The following BRINP1 variants were observed in gnomAD, a reference collection of about 807,000 sequenced individuals.
The protein encoded by BRINP1 is BMP/retinoic acid-inducible neural-specific protein 1.
Under a neutral mutation model 72.9 loss-of-function variants are expected in BRINP1, and 17 were observed. The observed-to-expected ratio is 0.23, with a 90% confidence interval of 0.16 to 0.35. BRINP1 has a LOEUF of 0.35. BRINP1 is among the 10% of genes least tolerant of loss of function. The pLI, the probability that BRINP1 is intolerant of heterozygous loss-of-function variation, is 1.00. For synonymous variants in BRINP1, 418 were observed against 378.5 expected, an observed-to-expected ratio of 1.10 and a Z score of -1.21; for missense variants, 850 against 1,001.6, an observed-to-expected ratio of 0.85 and a Z score of 2.04.
In BRINP1 at chr9:119,166,973, A is replaced by G; in HGVS notation, c.*111T>C. The stretch of plus-strand genomic sequence containing the variant: ...TGAAGATTTTCCTCCTTTTCTTTGA[A>G]TATTAATTACATTTTACAAATTTTT... On this transcript the variant is annotated 3_prime_UTR_variant, in exon 8 of 8. Coordinates refer to ENST00000265922, the MANE Select transcript of BRINP1 (RefSeq NM_014618.3). 1.7e-6 allele frequency: 2 copies of G among 1,166,320 alleles called. No homozygotes were observed. The highest frequency in any genetic ancestry group is 2.4e-6 in the Non-Finnish European group (2 of 822,418). 72.2% of individuals were successfully genotyped at this position (1,166,320 alleles called of 1,614,324 possible).
At chr9:119,217,244 A>G (rs975887716) in intron 5 of BRINP1, among the ~76,000 whole-genome samples, 3 of 151,828 alleles carry the variant, frequency 2.0e-5, no homozygotes, top group African/African-American at 7.3e-5. Context: ...GGCTTGTGAA[A>G]CCACTGTTTG....
intron 1 of BRINP1, among the ~76,000 whole-genome samples, chr9:119,361,618 TTC>T (rs200119381): frequency 6.6e-6 from 1 of 151,694 alleles, no homozygotes; most frequent in African/African-American, 2.4e-5. Flanking sequence ...ATTCTTCTTC[TTC>T]TTTTTTTTGT....
At chr9:119,314,985 G>A (rs1831110903) in intron 1 of BRINP1, among the ~76,000 whole-genome samples, 1 of 152,066 alleles carries the variant, frequency 6.6e-6, no homozygotes, top group African/African-American at 2.4e-5. Context: ...CCACTGCCTG[G>A]CCAAACCCTG....
At chr9:119,187,268 G>T (rs1216380835) in intron 7 of BRINP1, among the ~76,000 whole-genome samples, 1 of 151,778 alleles carries the variant, frequency 6.6e-6, no homozygotes, top group Non-Finnish European at 1.5e-5. Context: ...ATGGCTGCCT[G>T]TTACCTATAT....
chr9:119,301,737 G>C (rs1419894469), intron 2 of BRINP1, among the ~76,000 whole-genome samples: 4 of 152,172 alleles, frequency 2.6e-5, no homozygotes, highest in Non-Finnish European at 5.9e-5. Context: ...CCATTGATGA[G>C]AACTAGGTAA....
intron 1 of BRINP1, among the ~76,000 whole-genome samples, chr9:119,355,706 G>A (rs1372941203): frequency 1.3e-5 from 2 of 148,864 alleles, no homozygotes; most frequent in South Asian, 2.1e-4. Flanking sequence ...TCCAGCCTGG[G>A]CGACAGAGCA....
chr9:119,247,536 T>C (rs1034916497), intron 3 of BRINP1, among the ~76,000 whole-genome samples: 7 of 151,692 alleles, frequency 4.6e-5, no homozygotes, highest in African/African-American at 9.7e-5. Flanking sequence ...GCGCCTGTAG[T>C]CCCAGCTGCT....
intron 1 of BRINP1, among the ~76,000 whole-genome samples, chr9:119,322,588 C>T (rs1357223778): frequency 6.6e-6 from 1 of 152,160 alleles, no homozygotes; most frequent in Non-Finnish European, 1.5e-5. Context: ...TATTCTGGGC[C>T]AGAGGTAGAA....
Position 119,305,568 on chromosome 9 carries a change from T to G in BRINP1, c.218+7570A>C, listed in dbSNP as rs375836604. On this transcript the variant is annotated intron_variant, in intron 2 of 7. Transcript: ENST00000265922. ...GGTGCTATTCCACTTGATAAGGTGC[T>G]TCTCTCCTCACTGCATTCTCATGAA... is the stretch of plus-strand genomic sequence containing the variant. 2.2e-4 allele frequency among the ~76,000 whole-genome samples: 33 copies of G among 152,310 alleles called. No homozygotes were observed. The East Asian group carries it at 6.0e-3, about 28-fold the overall frequency.
intron 2 of BRINP1, among the ~76,000 whole-genome samples, chr9:119,255,088 A>G (rs1348878784): frequency 6.6e-6 from 1 of 152,270 alleles, no homozygotes; most frequent in Non-Finnish European, 1.5e-5. Flanking sequence ...CTTAAAAAAA[A>G]TAATGTAAAA....
intron 6 of BRINP1, 30 bp from the exon 7 acceptor site, chr9:119,208,971 G>A: frequency 1.9e-6 from 3 of 1,576,742 alleles, no homozygotes; most frequent in South Asian, 2.2e-5. Context: ...GAGAGAGAAG[G>A]GCTAAGCATG....
chr9:119,240,138 G>A lies in BRINP1; in HGVS notation c.580-1378C>T, dbSNP rs987630064. ...ACAAAAATTAGCTGGGCATGGTGGC[G>A]CGCACCTGTAGTCCCAGCTACTTGG... On this transcript the variant is annotated intron_variant, in intron 4 of 7. Transcript: ENST00000265922. Among the ~76,000 whole-genome samples the A allele has an allele frequency of 6.6e-5, 10 of 151,980 alleles. No homozygotes were observed. The East Asian group carries it at 7.7e-4, about 12-fold the overall frequency.
At chr9:119,361,620 CTTTT>C (rs1019409821) in intron 1 of BRINP1, among the ~76,000 whole-genome samples, 86 of 140,328 alleles carry the variant, frequency 6.1e-4, no homozygotes, top group African/African-American at 1.9e-3. Context: ...TCTTCTTCTT[CTTTT>C]TTTTGTTTTT....
chr9:119,280,177 A>G (rs2118961129), intron 2 of BRINP1, among the ~76,000 whole-genome samples: 1 of 152,316 alleles, frequency 6.6e-6, no homozygotes, highest in African/African-American at 2.4e-5. Context: ...GATGTACAAT[A>G]ACATATAAAG....
chr9:119,314,564 C>T, intron 1 of BRINP1, among the ~76,000 whole-genome samples: 1 of 152,124 alleles, frequency 6.6e-6, no homozygotes, highest in Non-Finnish European at 1.5e-5. Context: ...TTGGATTTCA[C>T]TATGTTGGCC....
chr9:119,203,937 G>C (rs1380600678), intron 7 of BRINP1, among the ~76,000 whole-genome samples: 1 of 152,050 alleles, frequency 6.6e-6, no homozygotes, highest in Admixed American at 6.6e-5. Flanking sequence ...TTGAAGCCAG[G>C]TTAGGCTTTT....
chr9:119,243,923 A>G (rs192787626), intron 3 of BRINP1, among the ~76,000 whole-genome samples: 33 of 152,304 alleles, frequency 2.2e-4, no homozygotes, highest in African/African-American at 7.0e-4. Flanking sequence ...AAGAGTGGGC[A>G]CCTGCATCCT....
At chr9:119,290,800 C>T (rs529992467) in intron 2 of BRINP1, among the ~76,000 whole-genome samples, 2 of 152,126 alleles carry the variant, frequency 1.3e-5, no homozygotes, top group Non-Finnish European at 2.9e-5. Flanking sequence ...ACTATAGGGC[C>T]TCCATTCATA....
chr9:119,248,171 C>G (rs1208452152), intron 3 of BRINP1, among the ~76,000 whole-genome samples: 2 of 152,208 alleles, frequency 1.3e-5, no homozygotes, highest in Non-Finnish European at 2.9e-5. Context: ...GCCAATCTCT[C>G]CTAGTGGGCA....
Sources: gnomAD v4.1 joint callset for allele counts (sites outside exome capture counted in the v4.1 genomes callset) on GRCh38, gnomAD v4.1.1 for gene constraint, MANE v1.5 for transcripts, NCBI Gene and HGNC (gene_info 2026-07-23, HGNC 2026-07-21) for gene names.